The following RBFOX1 variants were observed in gnomAD, a reference collection of about 807,000 sequenced individuals.
The protein encoded by RBFOX1 is RNA binding protein fox-1 homolog 1.
A neutral mutation model predicts 57.7 loss-of-function variants in RBFOX1; 8 were observed. That is an observed-to-expected ratio of 0.14 (90% CI 0.08 to 0.25). The LOEUF (loss-of-function observed/expected upper bound fraction) is 0.25. Ranked by LOEUF, RBFOX1 falls within the 10% of genes least tolerant of loss-of-function variation. The pLI is 1.00. For synonymous variants in RBFOX1, 326 were observed against 222.4 expected (o/e 1.47, Z -4.15); for missense variants, 611 against 548.5 (o/e 1.11, Z -1.14).
chr16:5,615,803 A>G lies in RBFOX1; in HGVS notation c.318+16842A>G, dbSNP rs557301656. 9.8e-5 allele frequency among the ~76,000 whole-genome samples: 15 copies of G among 152,334 alleles called. No homozygotes were observed. The South Asian group carries it at 2.5e-3, about 25-fold the overall frequency. On this transcript the variant is annotated intron_variant, in intron 3 of 19. Transcript: ENST00000641259. ...TGCCTATCTGGGTTTCTGCCCCATG[A>G]TGGGAGCCCACCAGTGTTAGCAATG...
intron 1 of RBFOX1, among the ~76,000 whole-genome samples, chr16:5,290,044 A>G (rs4786019): frequency 0.34 from 51,412 of 152,156 alleles, 9,179 homozygotes; most frequent in Admixed American, 0.47. Flanking sequence ...TCAGTCATCA[A>G]AAGGAATGAA....
chr16:5,611,705 C>CCCATCCATCCCTCTAT (rs2047797995), intron 3 of RBFOX1, among the ~76,000 whole-genome samples: 1 of 100,128 alleles, frequency 1.0e-5, no homozygotes. Flanking sequence ...CACCCACTCT[C>CCCATCCATCCCTCTAT]CCATCCATCC....
intron 2 of RBFOX1, among the ~76,000 whole-genome samples, chr16:6,609,222 A>G (rs2097999120): frequency 1.3e-5 from 2 of 152,150 alleles, no homozygotes; most frequent in Non-Finnish European, 2.9e-5. Flanking sequence ...CAGCCACTTT[A>G]TAGATGGTTG....
At chr16:6,694,566 G>T (rs1014192995) in intron 3 of RBFOX1, among the ~76,000 whole-genome samples, 1 of 152,020 alleles carries the variant, frequency 6.6e-6, no homozygotes, top group Non-Finnish European at 1.5e-5. Flanking sequence ...TTCACTGAGG[G>T]CCTCTTTACT....
At chr16:6,954,833 C>G (rs911618902) in intron 3 of RBFOX1, among the ~76,000 whole-genome samples, 1 of 152,108 alleles carries the variant, frequency 6.6e-6, no homozygotes, top group African/African-American at 2.4e-5. Flanking sequence ...TGTGGATTAG[C>G]AACTTTATAA....
intron 4 of RBFOX1, among the ~76,000 whole-genome samples, chr16:7,347,045 G>A (rs1284816740): frequency 6.6e-6 from 1 of 152,210 alleles, no homozygotes; most frequent in Admixed American, 6.5e-5. Context: ...GACAGGCCTA[G>A]TGATCTCAGC....
intron 1 of RBFOX1, among the ~76,000 whole-genome samples, chr16:5,319,487 T>C (rs2064340467): frequency 6.6e-6 from 1 of 152,140 alleles, no homozygotes; most frequent in African/African-American, 2.4e-5. Flanking sequence ...AAGATGATCT[T>C]CCATCTGGGA....
At chr16:6,996,629 C>T (rs538292717) in intron 3 of RBFOX1, among the ~76,000 whole-genome samples, 2 of 152,162 alleles carry the variant, frequency 1.3e-5, no homozygotes, top group East Asian at 1.9e-4. Flanking sequence ...CCAATGGGGA[C>T]AGTGACGCAC....
intron 3 of RBFOX1, among the ~76,000 whole-genome samples, chr16:5,701,614 T>C (rs917907793): frequency 6.6e-6 from 1 of 152,188 alleles, no homozygotes; most frequent in African/African-American, 2.4e-5. Flanking sequence ...TGTATTTTTT[T>C]GTAGGGACAG....
chr16:6,623,491 T>C (rs371911860), intron 2 of RBFOX1, among the ~76,000 whole-genome samples: 1 of 151,758 alleles, frequency 6.6e-6, no homozygotes, highest in East Asian at 1.9e-4. Context: ...ATGTGCACAA[T>C]GTGCAGGTTA....
intron 2 of RBFOX1, among the ~76,000 whole-genome samples, chr16:6,631,204 G>A (rs1020238253): frequency 1.3e-5 from 2 of 152,058 alleles, no homozygotes; most frequent in Non-Finnish European, 2.9e-5. Flanking sequence ...ATCTGAGAAA[G>A]AACTGGAGGT....
At chr16:6,086,033 C>G (rs953188989) in intron 1 of RBFOX1, among the ~76,000 whole-genome samples, 2 of 152,070 alleles carry the variant, frequency 1.3e-5, no homozygotes, top group Non-Finnish European at 2.9e-5. Context: ...TCCATGTCTT[C>G]TCATTGTTCA....
chr16:6,622,910 C>A (rs1201333657), intron 2 of RBFOX1, among the ~76,000 whole-genome samples: 1 of 152,208 alleles, frequency 6.6e-6, no homozygotes, highest in Non-Finnish European at 1.5e-5. Flanking sequence ...AATGCCCCCT[C>A]AGAATGCTAG....
chr16:6,412,062 G>C (rs771000824), intron 2 of RBFOX1, among the ~76,000 whole-genome samples: 2 of 151,510 alleles, frequency 1.3e-5, no homozygotes, highest in East Asian at 3.9e-4. Context: ...AAACCCGGGA[G>C]GCAGAGGTTG....
chr16:6,874,769 C>T (rs1054142368), intron 3 of RBFOX1, among the ~76,000 whole-genome samples: 1 of 151,766 alleles, frequency 6.6e-6, no homozygotes, highest in African/African-American at 2.4e-5. Context: ...ACTCTTGGGA[C>T]TTGAGGGGAA....
intron 1 of RBFOX1, among the ~76,000 whole-genome samples, chr16:5,400,111 T>C (rs1190300647): frequency 6.6e-6 from 1 of 151,932 alleles, no homozygotes; most frequent in African/African-American, 2.4e-5. Context: ...TTCTTTCTTT[T>C]TTTTTTGAGA....
chr16:5,633,908 T>C (rs980576100), intron 3 of RBFOX1, among the ~76,000 whole-genome samples: 5 of 151,034 alleles, frequency 3.3e-5, no homozygotes, highest in African/African-American at 1.2e-4. Flanking sequence ...AAAGAAGATA[T>C]ACAGACACCC....
chr16:7,503,022 C>A (rs1359060925), intron 4 of RBFOX1, among the ~76,000 whole-genome samples: 1 of 151,508 alleles, frequency 6.6e-6, no homozygotes, highest in East Asian at 1.9e-4. Flanking sequence ...GACTCTGTCT[C>A]AAAAAAAATA....
intron 2 of RBFOX1, among the ~76,000 whole-genome samples, chr16:6,562,209 C>T (rs376188621): frequency 2.6e-5 from 4 of 152,174 alleles, no homozygotes; most frequent in African/African-American, 9.7e-5. Flanking sequence ...TGGGTGCCAG[C>T]CCTCTGAACT....
Sources: allele counts gnomAD v4.1 joint callset (sites outside exome capture counted in the v4.1 genomes callset), GRCh38; gene constraint gnomAD v4.1.1; transcripts MANE v1.5; gene names NCBI Gene and HGNC (gene_info 2026-07-23, HGNC 2026-07-21).